The following ODF2 variants were observed in gnomAD, a reference collection of about 807,000 sequenced individuals.
ODF2 encodes outer dense fiber of sperm tails 2.
ODF2 carries 47 observed loss-of-function variants against 110.2 expected under a neutral mutation model. That is an observed-to-expected ratio of 0.43 (90% CI 0.34 to 0.54). The LOEUF (loss-of-function observed/expected upper bound fraction) is 0.54, where lower values mean the gene tolerates loss of function less well. Among genes scored for constraint, ODF2 ranks in the 20% least tolerant of loss-of-function variants. The pLI, the probability that ODF2 is intolerant of heterozygous loss-of-function variation, is 0.03. For synonymous variants in ODF2, 352 were observed against 397.7 expected (o/e 0.89, Z 1.37); for missense variants, 812 against 1,054.5 (o/e 0.77, Z 3.19).
chr9:128,457,797 G>A (rs193000327), intron 2 of ODF2, among the ~76,000 whole-genome samples: 23 of 152,090 alleles, frequency 1.5e-4, no homozygotes, highest in Admixed American at 3.9e-4. Context: ...GAATCCAGGT[G>A]GTTTGACAAG....
intron 3 of ODF2, chr9:128,460,311 A>G (rs1447346407): frequency 2.1e-6 from 3 of 1,413,432 alleles, no homozygotes; most frequent in Non-Finnish European, 2.8e-6. Context: ...TGGGTCTTGC[A>G]GACCCTCTCT....
intron 13 of ODF2, among the ~76,000 whole-genome samples, chr9:128,486,250 T>G (rs1449824769): frequency 6.6e-6 from 1 of 152,152 alleles, no homozygotes; most frequent in Non-Finnish European, 1.5e-5. Context: ...TGTATTCAAC[T>G]CAACTTAGCA....
chr9:128,496,425 G>A, intron 18 of ODF2: 1 of 1,054,386 alleles, frequency 9.5e-7, no homozygotes, highest in Non-Finnish European at 1.3e-6. Context: ...AGGCCTGCCA[G>A]GAGGGCCCAG....
At chr9:128,462,205 GC>G (rs1343349113) in intron 4 of ODF2, among the ~76,000 whole-genome samples, 13 of 151,614 alleles carry the variant, frequency 8.6e-5, no homozygotes, top group African/African-American at 2.7e-4. Flanking sequence ...AGGCTGGAGT[GC>G]AGTGGCGCGA....
intron 5 of ODF2, among the ~76,000 whole-genome samples, chr9:128,470,674 C>A (rs1029684349): frequency 6.6e-6 from 1 of 151,826 alleles, no homozygotes; most frequent in Admixed American, 6.6e-5. Flanking sequence ...AGTGCAAGAG[C>A]CTTTTTGTGA....
chr9:128,497,269 G>A (rs561475397), intron 18 of ODF2, among the ~76,000 whole-genome samples: 3 of 150,310 alleles, frequency 2.0e-5, no homozygotes, highest in Admixed American at 6.7e-5. Context: ...TGTCTTCCTC[G>A]AGAGCTTCTG....
In ODF2 at chr9:128,485,552, A is replaced by G; in HGVS notation, c.1400+78A>G. On this transcript the variant is annotated intron_variant, in intron 13 of 20. Coordinates refer to ENST00000604420, the Ensembl canonical transcript of ODF2. The surrounding 1 kb of genome is among the most constrained non-coding windows in gnomAD (Gnocchi z 5.0). ...GCAGGTGGGAGGGGCCTAGTGGCTC[A>G]GGGAAGGCCACGTGGCTGCTGTTTG... The G allele has an allele frequency of 6.6e-6, 5 of 762,298 alleles. No homozygotes were observed. The highest frequency in any genetic ancestry group is 9.2e-6 in the Non-Finnish European group (4 of 435,762). 47.2% of individuals were successfully genotyped at this position (762,298 alleles called of 1,614,324 possible).
chr9:128,483,874 A>C, intron 10 of ODF2, 64 bp from the exon 11 acceptor site: 2 of 1,135,018 alleles, frequency 1.8e-6, no homozygotes, highest in Non-Finnish European at 2.7e-6. Flanking sequence ...AAACGGAGCA[A>C]GACTCCGTAT....
At chr9:128,478,460 T>C (rs1018120295) in intron 8 of ODF2, among the ~76,000 whole-genome samples, 1 of 151,812 alleles carries the variant, frequency 6.6e-6, no homozygotes, top group African/African-American at 2.4e-5. Flanking sequence ...TGAGCTGGCA[T>C]GGCGGTACGC....
chr9:128,460,892 C>G, intron 3 of ODF2, 50 bp from the exon 4 acceptor site: 1 of 1,612,892 alleles, frequency 6.2e-7, no homozygotes, highest in Non-Finnish European at 8.5e-7. Context: ...TAGCGTGGCA[C>G]CGTGGCCAGC....
intron 8 of ODF2, among the ~76,000 whole-genome samples, chr9:128,474,310 G>A (rs777215694): frequency 7.2e-5 from 11 of 152,006 alleles, no homozygotes; most frequent in Non-Finnish European, 1.2e-4. Context: ...CTCGCCAACA[G>A]AGTGAAACTC....
chr9:128,475,413 G>A (rs1349690601), intron 8 of ODF2, among the ~76,000 whole-genome samples: 2 of 152,120 alleles, frequency 1.3e-5, no homozygotes, highest in Admixed American at 6.6e-5. Context: ...AATATAGAAT[G>A]GCTAAGTCAA....
chr9:128,499,097 T>C (rs764339172), exon 20 of ODF2: 8 of 1,613,964 alleles, frequency 5.0e-6, no homozygotes, highest in African/African-American at 4.0e-5. Context: ...CAAAACGGAA[T>C]TGAGCCAGCT....
intron 20 of ODF2, among the ~76,000 whole-genome samples, chr9:128,499,385 A>G (rs1846189275): frequency 6.6e-6 from 1 of 152,078 alleles, no homozygotes; most frequent in African/African-American, 2.4e-5. Flanking sequence ...TCCTGGTTTC[A>G]TATGATCCCC....
At chr9:128,467,265 A>G (rs908046630) in intron 4 of ODF2, among the ~76,000 whole-genome samples, 1 of 151,342 alleles carries the variant, frequency 6.6e-6, no homozygotes, top group African/African-American at 2.4e-5. Context: ...CAACTAACAC[A>G]ATGGTAAGTA....
At chr9:128,481,087 T>C (rs1842308122) in intron 8 of ODF2, among the ~76,000 whole-genome samples, 1 of 151,734 alleles carries the variant, frequency 6.6e-6, no homozygotes, top group African/African-American at 2.4e-5. Flanking sequence ...TAGGGTAGGG[T>C]TTGGAGGTGG....
At chr9:128,487,203 T>C (rs1588941246) in intron 13 of ODF2, among the ~76,000 whole-genome samples, 1 of 152,160 alleles carries the variant, frequency 6.6e-6, no homozygotes, top group African/African-American at 2.4e-5. Flanking sequence ...CACCTTGGCC[T>C]CCCAAAGCAC....
chr9:128,488,459 C>T (rs984957535), intron 14 of ODF2, among the ~76,000 whole-genome samples: 4 of 152,146 alleles, frequency 2.6e-5, no homozygotes, highest in African/African-American at 9.7e-5. Flanking sequence ...CAAGTCCTTA[C>T]TCTGCTGCTT....
intron 3 of ODF2, 154 bp from the exon 3 acceptor site, chr9:128,460,396 T>TA: frequency 7.0e-7 from 1 of 1,432,638 alleles, no homozygotes; most frequent in Admixed American, 2.2e-5. Flanking sequence ...ACTCCCGCCT[T>TA]ACTCCCTGCC....
Sources: allele counts gnomAD v4.1 joint callset (sites outside exome capture counted in the v4.1 genomes callset), GRCh38; gene constraint gnomAD v4.1.1; non-coding constraint Gnocchi (gnomAD v3.1); transcripts MANE v1.5; gene names NCBI Gene and HGNC (gene_info 2026-07-23, HGNC 2026-07-21).